DNAJC27: variants seen among roughly 807,000 people sequenced by gnomAD.
The protein encoded by DNAJC27 is DnaJ heat shock protein family (Hsp40) member C27.
In DNAJC27, 25 loss-of-function variants were observed where a neutral mutation model predicts 31.4. The ratio of observed to expected loss-of-function variants is 0.80; its 90% CI spans 0.58 to 1.11. The LOEUF (loss-of-function observed/expected upper bound fraction) is 1.11. DNAJC27 is among the 50% of genes most tolerant of loss of function. The probability of loss-of-function intolerance (pLI) is 0.00; values close to 1 mark genes in which losing one functional copy is unlikely to be tolerated. For synonymous variants in DNAJC27, 106 were observed against 112.7 expected, an observed-to-expected ratio of 0.94 and a Z score of 0.37; for missense variants, 356 against 347.3, an observed-to-expected ratio of 1.02 and a Z score of -0.20.
intron 1 of DNAJC27, among the ~76,000 whole-genome samples, chr2:24,968,697 T>C (rs948737801): frequency 5.9e-5 from 9 of 152,090 alleles, no homozygotes; most frequent in African/African-American, 2.2e-4. Flanking sequence ...TCTCAAATAG[T>C]AGACAGTTGT....
chr2:24,966,552 G>A (rs1448163670), intron 2 of DNAJC27, among the ~76,000 whole-genome samples: 2 of 151,886 alleles, frequency 1.3e-5, no homozygotes, highest in African/African-American at 2.4e-5. Context: ...TCTGCCTCCC[G>A]GGTTCAAGTG....
chr2:24,970,815 G>A (rs763911484), intron 1 of DNAJC27, among the ~76,000 whole-genome samples: 3 of 151,712 alleles, frequency 2.0e-5, no homozygotes, highest in East Asian at 1.9e-4. Context: ...TTGACTTTCA[G>A]TGAATACTAT....
intron 1 of DNAJC27, chr2:24,968,953 A>C (rs1235316124): frequency 6.1e-6 from 1 of 164,726 alleles, no homozygotes; most frequent in African/African-American, 2.4e-5. Context: ...GAGGCTGTAG[A>C]TTACTCACTT....
In DNAJC27 at chr2:24,957,090, A is replaced by C. The variant is rs201364823; in HGVS notation, c.481T>G (p.Phe161Val). ...LWAESKGFLYFETSAQTGEGI... is the reference protein window; with the variant it reads ...LWAESKGFLYVETSAQTGEGI... ...TCTCCAGTTTGTGCTGAAGTTTCAA[A>C]GTACAGGAACCCTTTGCTTTCAGCC... Residue 161 changes from phenylalanine (F) to valine (V), a missense_variant, in exon 5 of 7, where the codon TTT becomes GTT. Phe to Val is a conservative substitution (Grantham distance 50). Transcript: ENST00000264711. 2.7e-5 allele frequency: 44 copies of C among 1,610,252 alleles called. No individual in the cohort carries two copies. Among genetic ancestry groups the C allele is most frequent in the Non-Finnish European group, 3.7e-5 (44 of 1,178,780 alleles).
In DNAJC27 at chr2:24,944,729, G is replaced by T. The variant is rs1017013509; in HGVS notation, c.*2887C>A. 1.3e-5 allele frequency: 2 copies of T among 152,560 alleles called. No homozygotes were observed. Among genetic ancestry groups the T allele is most frequent in the African/African-American group, 4.8e-5 (2 of 41,420 alleles). 9.5% of individuals were successfully genotyped at this position (152,560 alleles called of 1,614,324 possible). ...ACAATGCTGAAGTCAAAGAAATATTGACAGCTGAGATATCAATTCAAAAGG... is the reference window on the plus strand; with the variant it reads ...ACAATGCTGAAGTCAAAGAAATATTTACAGCTGAGATATCAATTCAAAAGG... On this transcript the variant is annotated 3_prime_UTR_variant, in exon 7 of 7. Transcript: ENST00000264711.
intron 1 of DNAJC27, chr2:24,971,593 A>C (rs911312397): frequency 2.1e-6 from 1 of 468,214 alleles, no homozygotes. Context: ...AGGCCACCCC[A>C]GACACCATCT....
chr2:24,952,498 T>G (rs966156738), intron 5 of DNAJC27, among the ~76,000 whole-genome samples: 20 of 152,230 alleles, frequency 1.3e-4, no homozygotes, highest in Non-Finnish European at 2.5e-4. Flanking sequence ...AACTCTCTAT[T>G]CTTGGACAAG....
At chr2:24,959,922 GA>G (rs1666000519) in intron 3 of DNAJC27, among the ~76,000 whole-genome samples, 1 of 152,188 alleles carries the variant, frequency 6.6e-6, no homozygotes, top group Non-Finnish European at 1.5e-5. Flanking sequence ...GAAATGTGAA[GA>G]CATGCATCAT....
At chr2:24,962,685 G>C (rs1221932487) in intron 3 of DNAJC27, among the ~76,000 whole-genome samples, 1 of 152,186 alleles carries the variant, frequency 6.6e-6, no homozygotes, top group African/African-American at 2.4e-5. Flanking sequence ...GTTGTGCTGA[G>C]AGGGAAATAT....
At position 24,956,974 on chromosome 2, in the gene DNAJC27, T is replaced by TA. The variant is rs567280286; in HGVS notation, c.528+68dup. The TA allele has an allele frequency of 5.0e-3, 7,737 of 1,557,830 alleles. 33 individuals carry two copies. The highest frequency in any genetic ancestry group is 6.9e-3 in the Middle Eastern group (41 of 5,930). The stretch of plus-strand genomic sequence containing the variant: ...AAATTCCTATTACTTTTTTGCTTCC[T>TA]ATAATTTAAACTGAAAATTGGCACA... On this transcript the variant is annotated intron_variant, in intron 5 of 6. Transcript: ENST00000264711.
chr2:24,948,623 C>T (rs867206477), intron 6 of DNAJC27, among the ~76,000 whole-genome samples: 25 of 152,246 alleles, frequency 1.6e-4, no homozygotes, highest in African/African-American at 5.5e-4. Flanking sequence ...TTCTCCAATC[C>T]GGCGGTTCCG....
At chr2:24,962,046 A>G (rs1666054161) in intron 3 of DNAJC27, among the ~76,000 whole-genome samples, 1 of 152,140 alleles carries the variant, frequency 6.6e-6, no homozygotes, top group African/African-American at 2.4e-5. Context: ...GCCAAACTTT[A>G]TTGTTGTCTT....
intron 5 of DNAJC27, among the ~76,000 whole-genome samples, chr2:24,953,176 ATCTCC>A (rs1177348740): frequency 1.3e-5 from 2 of 152,192 alleles, no homozygotes; most frequent in Non-Finnish European, 2.9e-5. Flanking sequence ...AAATGGACAT[ATCTCC>A]TCCTAATTTC....
In DNAJC27 at chr2:24,950,865, A is replaced by T. The variant is rs193027111; in HGVS notation, c.689+529T>A. Among the ~76,000 whole-genome samples, 675 of 124,580 alleles carry T rather than the reference A, an allele frequency of 5.4e-3. 1 individual carries two copies. The highest frequency in any genetic ancestry group is 0.011 in the Non-Finnish European group (559 of 52,906). The allele number at this position is 124,580 out of a possible 152,430, so 81.7% of individuals were successfully genotyped here. On this transcript the variant is annotated intron_variant, in intron 6 of 6. Coordinates refer to ENST00000264711, the MANE Select transcript of DNAJC27 (RefSeq NM_016544.3). ...TCTGTCTCAAAAATAAAAATAAAAA[A>T]AAAAAATAAACAAATACACACACAG...
chr2:24,963,440 T>C lies in DNAJC27; in HGVS notation c.205A>G (p.Ile69Val), dbSNP rs1173952753. ...AAGGGATGTCCAGCCATATCAAAGA[T>C]GTTAACTTTGATTTCTCTGTCTCTG... ...HVRDREIKVN[I>V]FDMAGHPFFY... Residue 69 changes from isoleucine to valine, a missense_variant, in exon 3 of 7, where the codon ATC becomes GTC. Ile to Val is a conservative substitution (Grantham distance 29). Transcript: ENST00000264711. The C allele has an allele frequency of 5.0e-6, 8 of 1,613,818 alleles. No individual in the cohort carries two copies. Among genetic ancestry groups the C allele is most frequent in the African/African-American group, 1.3e-5 (1 of 74,954 alleles).
chr2:24,955,335 CAAATCAA>C (rs550293619), intron 5 of DNAJC27, among the ~76,000 whole-genome samples: 140 of 152,050 alleles, frequency 9.2e-4, no homozygotes, highest in Middle Eastern at 3.4e-3. Context: ...GTGGTGAAGT[CAAATCAA>C]CAGAGACTAT....
At chr2:24,964,976 G>A (rs1168542426) in intron 2 of DNAJC27, among the ~76,000 whole-genome samples, 1 of 152,094 alleles carries the variant, frequency 6.6e-6, no homozygotes, top group Non-Finnish European at 1.5e-5. Flanking sequence ...GGGAGGCCGA[G>A]GTGGACGGAT....
intron 6 of DNAJC27, among the ~76,000 whole-genome samples, chr2:24,949,926 A>T (rs1450752354): frequency 6.6e-6 from 1 of 151,356 alleles, no homozygotes; most frequent in African/African-American, 2.4e-5. Flanking sequence ...TCTTACTGAA[A>T]CCCTACTGGC....
chr2:24,958,595 T>C (rs1056488120), intron 3 of DNAJC27: 7 of 414,054 alleles, frequency 1.7e-5, no homozygotes, highest in Non-Finnish European at 3.5e-5. Context: ...CGTCTCAGTT[T>C]CCTCATCTGT....
Sources: gnomAD v4.1 joint callset for allele counts (sites outside exome capture counted in the v4.1 genomes callset) on GRCh38, gnomAD v4.1.1 for gene constraint, MANE v1.5 for transcripts, NCBI Gene and HGNC (gene_info 2026-07-23, HGNC 2026-07-21) for gene names.